ANAPC1: variants seen among roughly 807,000 people sequenced by gnomAD.
ANAPC1 encodes the protein anaphase promoting complex subunit 1.
A neutral mutation model predicts 208.0 loss-of-function variants in ANAPC1; 36 were observed. That is an observed-to-expected ratio of 0.17 (90% CI 0.13 to 0.23). ANAPC1 has a LOEUF of 0.23. ANAPC1 is among the 10% of genes least tolerant of loss of function. The pLI is 1.00. For synonymous variants in ANAPC1, 378 were observed against 695.2 expected, an observed-to-expected ratio of 0.54 and a Z score of 7.18; for missense variants, 942 against 2,011.6, an observed-to-expected ratio of 0.47 and a Z score of 10.17.
intron 29 of ANAPC1, 87 bp from the exon 30 acceptor site, chr2:111,805,980 CACTGGACA>C: frequency 2.4e-6 from 1 of 419,160 alleles, no homozygotes; most frequent in South Asian, 2.2e-5. Flanking sequence ...TAGCAAGTTG[CACTGGACA>C]TACGAATGGA....
At position 111,867,585 on chromosome 2, in the gene ANAPC1, G is replaced by A. The variant is rs150812721; in HGVS notation, c.685+438C>T. Among the ~76,000 whole-genome samples the A allele has an allele frequency of 9.4e-3, 1,429 of 151,500 alleles. 26 individuals carry two copies. Among genetic ancestry groups the A allele is most frequent in the African/African-American group, 0.033 (1,364 of 41,324 alleles). On this transcript the variant is annotated intron_variant, in intron 7 of 47. Transcript: ENST00000341068. ...CGTGTGCCTGTAATCCCAGCTACTC[G>A]GGAGGCTGAGGCAGGATAATCACTT...
intron 6 of ANAPC1, among the ~76,000 whole-genome samples, chr2:111,868,883 T>C (rs1428631472): frequency 3.9e-5 from 6 of 152,118 alleles, no homozygotes; most frequent in African/African-American, 1.4e-4. Flanking sequence ...AAGACGGGCT[T>C]TCTTTCAAAG....
At chr2:111,833,333 A>G (rs1410044687) in intron 19 of ANAPC1, 22 bp from the exon 20 acceptor site, 2 of 1,559,766 alleles carry the variant, frequency 1.3e-6, no homozygotes, top group East Asian at 4.5e-5. Flanking sequence ...AGGGCATGTA[A>G]AAAAGAAGGT....
chr2:111,844,234 G>C (rs563455374), intron 16 of ANAPC1, among the ~76,000 whole-genome samples: 2 of 151,976 alleles, frequency 1.3e-5, no homozygotes, highest in Admixed American at 1.3e-4. Flanking sequence ...CTAACTGCTC[G>C]CCTTCACTCT....
At chr2:111,838,583 T>C (rs1166475328) in intron 17 of ANAPC1, 71 bp from the exon 18 acceptor site, 2 of 1,325,682 alleles carry the variant, frequency 1.5e-6, no homozygotes, top group East Asian at 2.5e-5. Flanking sequence ...ACTTCAAGGA[T>C]TCAGAAATCA....
At chr2:111,880,996 G>A (rs1234115562) in intron 1 of ANAPC1, 147 bp from the exon 2 acceptor site, 1 of 678,618 alleles carries the variant, frequency 1.5e-6, no homozygotes, top group Non-Finnish European at 2.4e-6. Context: ...AACATAAAAG[G>A]GCATTCTAGA....
At chr2:111,777,166 C>T in intron 45 of ANAPC1, 109 bp from the exon 46 acceptor site, 3 of 628,596 alleles carry the variant, frequency 4.8e-6, no homozygotes, top group African/African-American at 1.8e-5. Flanking sequence ...TATAAAGGGT[C>T]GGGGGGTGGT....
intron 17 of ANAPC1, among the ~76,000 whole-genome samples, chr2:111,840,657 T>C (rs1209785702): frequency 1.3e-5 from 2 of 152,228 alleles, no homozygotes; most frequent in Admixed American, 6.5e-5. Flanking sequence ...TTTCATAATG[T>C]AGAAATCCAG....
At chr2:111,837,747 A>G (rs1398637483) in intron 18 of ANAPC1, among the ~76,000 whole-genome samples, 1 of 152,098 alleles carries the variant, frequency 6.6e-6, no homozygotes, top group Non-Finnish European at 1.5e-5. Flanking sequence ...ATTTTTGTAA[A>G]TTACACCACA....
chr2:111,778,245 T>G (rs1291505466), intron 45 of ANAPC1, among the ~76,000 whole-genome samples: 6 of 152,262 alleles, frequency 3.9e-5, no homozygotes, highest in Non-Finnish European at 8.8e-5. Flanking sequence ...TAACTGCATA[T>G]GGACTCTGTA....
rs752116033 is a variant in ANAPC1 at position 111,834,795 on chromosome 2, A to T, written c.2193T>A (p.Ser731Arg). Residue 731 changes from serine (S) to arginine (R), a missense_variant, in exon 19 of 48, where the codon AGT becomes AGA. By Grantham distance (110) the Ser-to-Arg change is moderately radical. Coordinates refer to ENST00000341068, the MANE Select transcript of ANAPC1 (RefSeq NM_022662.4). ...SHLLNRSLCLSPSEASQMKDE... is the reference protein window; with the variant it reads ...SHLLNRSLCLRPSEASQMKDE... Reference sequence around the variant, plus strand: ...CCTTCATCTGTGAAGCTTCTGAAGGACTCAGACATAAAGATCTGTTCAAAA... The same window carrying T: ...CCTTCATCTGTGAAGCTTCTGAAGGTCTCAGACATAAAGATCTGTTCAAAA... The T allele has an allele frequency of 1.2e-6, 2 of 1,612,740 alleles. No homozygotes were observed. Among genetic ancestry groups the T allele is most frequent in the Admixed American group, 3.3e-5 (2 of 59,896 alleles).
intron 26 of ANAPC1, among the ~76,000 whole-genome samples, chr2:111,820,024 C>T (rs1679436827): frequency 6.6e-6 from 1 of 152,032 alleles, no homozygotes; most frequent in Non-Finnish European, 1.5e-5. Flanking sequence ...ATAATGAGAA[C>T]AATATTATAT....
At chr2:111,829,211 C>T (rs936196212) in intron 21 of ANAPC1, among the ~76,000 whole-genome samples, 1 of 152,026 alleles carries the variant, frequency 6.6e-6, no homozygotes, top group Non-Finnish European at 1.5e-5. Context: ...GACTCCGTCT[C>T]AAGAAACAAT....
At chr2:111,805,995 T>A in intron 29 of ANAPC1, 102 bp from the exon 30 acceptor site, 1 of 461,096 alleles carries the variant, frequency 2.2e-6, no homozygotes. Flanking sequence ...GACATACGAA[T>A]GGAATATAAC....
At chr2:111,833,169 A>G in intron 20 of ANAPC1, 51 bp downstream of exon 20, 1 of 1,536,798 alleles carries the variant, frequency 6.5e-7, no homozygotes, top group African/African-American at 1.4e-5. Context: ...GAAAGATACA[A>G]GGAAATATCA....
intron 10 of ANAPC1, among the ~76,000 whole-genome samples, chr2:111,860,607 C>T (rs1401181285): frequency 2.0e-5 from 3 of 148,640 alleles, no homozygotes; most frequent in African/African-American, 5.0e-5. Context: ...CCACACTTCA[C>T]CAGTACCTGG....
chr2:111,882,142 C>A (rs1166376781), intron 1 of ANAPC1, among the ~76,000 whole-genome samples: 1 of 151,812 alleles, frequency 6.6e-6, no homozygotes, highest in East Asian at 1.9e-4. Flanking sequence ...CGAGATCATG[C>A]CATTGTACTC....
chr2:111,861,011 A>G (rs1373382591), intron 10 of ANAPC1, among the ~76,000 whole-genome samples: 3 of 152,188 alleles, frequency 2.0e-5, no homozygotes, highest in African/African-American at 7.2e-5. Flanking sequence ...ACACACTTAT[A>G]AAGTGCCTTC....
At chr2:111,870,835 G>A (rs1208022777) in intron 6 of ANAPC1, among the ~76,000 whole-genome samples, 1 of 152,062 alleles carries the variant, frequency 6.6e-6, no homozygotes, top group East Asian at 1.9e-4. Context: ...AGGGCTTAAA[G>A]CCTTTCATCC....
Sources: allele counts gnomAD v4.1 joint callset (sites outside exome capture counted in the v4.1 genomes callset), GRCh38; gene constraint gnomAD v4.1.1; transcripts MANE v1.5; gene names NCBI Gene and HGNC (gene_info 2026-07-23, HGNC 2026-07-21).